Variants in THADA observed in about 807,000 individuals in gnomAD.
The protein encoded by THADA is tRNA (32-2'-O)-methyltransferase regulator THADA.
THADA carries 213 observed loss-of-function variants against 219.8 expected under a neutral mutation model. The observed-to-expected ratio is 0.97, with a 90% CI of 0.87 to 1.09. The LOEUF (loss-of-function observed/expected upper bound fraction) is 1.09, where lower values mean the gene tolerates loss of function less well. THADA is among the 50% of genes least tolerant of loss of function. The pLI, the probability that THADA is intolerant of heterozygous loss-of-function variation, is 0.00. For missense variants in THADA, 2,956 were observed against 2,311.3 expected, an observed-to-expected ratio of 1.28 and a Z score of -5.72; for synonymous variants, 1,018 against 828.9, an observed-to-expected ratio of 1.23 and a Z score of -3.92.
chr2:43,455,856 C>G (rs1009830662), intron 26 of THADA, among the ~76,000 whole-genome samples: 1 of 152,198 alleles, frequency 6.6e-6, no homozygotes, highest in Non-Finnish European at 1.5e-5. Context: ...ACTAAGGAGG[C>G]AGGAAATCCT....
At chr2:43,440,647 C>A (rs1463057681) in intron 26 of THADA, among the ~76,000 whole-genome samples, 2 of 152,130 alleles carry the variant, frequency 1.3e-5, no homozygotes, top group African/African-American at 4.8e-5. Context: ...TTCAGAATCT[C>A]TCATTATACA....
chr2:43,475,030 G>C (rs555873822), intron 26 of THADA, among the ~76,000 whole-genome samples: 14 of 152,302 alleles, frequency 9.2e-5, no homozygotes, highest in African/African-American at 3.4e-4. Flanking sequence ...AAGAGAGATT[G>C]TTCAGGACAA....
intron 36 of THADA, among the ~76,000 whole-genome samples, chr2:43,272,425 C>A (rs1672232347): frequency 6.6e-6 from 1 of 152,074 alleles, no homozygotes; most frequent in African/African-American, 2.4e-5. Context: ...ATGGTGGTGG[C>A]TTGGACTAGC....
intron 35 of THADA, among the ~76,000 whole-genome samples, chr2:43,286,236 G>A (rs1019652178): frequency 2.0e-5 from 3 of 152,180 alleles, no homozygotes; most frequent in Admixed American, 6.5e-5. Context: ...GGGAGTGGTG[G>A]ATGATAAGGC....
At chr2:43,339,541 A>T (rs1291728375) in intron 30 of THADA, among the ~76,000 whole-genome samples, 1 of 152,176 alleles carries the variant, frequency 6.6e-6, no homozygotes, top group Non-Finnish European at 1.5e-5. Flanking sequence ...TGGCCTCCCA[A>T]AGTGCTAGGG....
intron 29 of THADA, among the ~76,000 whole-genome samples, chr2:43,386,271 T>C (rs1001780609): frequency 6.6e-6 from 1 of 152,044 alleles, no homozygotes; most frequent in African/African-American, 2.4e-5. Context: ...AGGCACAAAA[T>C]ATGCATGCTA....
At chr2:43,541,706 C>T (rs1447122930) in intron 20 of THADA, among the ~76,000 whole-genome samples, 1 of 152,072 alleles carries the variant, frequency 6.6e-6, no homozygotes. Flanking sequence ...GACAGGGTTT[C>T]ACCACATCAC....
chr2:43,522,710 C>T (rs1444985528), intron 22 of THADA, among the ~76,000 whole-genome samples: 2 of 152,156 alleles, frequency 1.3e-5, no homozygotes, highest in Admixed American at 6.5e-5. Context: ...TCAACTATTA[C>T]AGTAGGCTTA....
At chr2:43,325,853 T>C (rs920832218) in intron 30 of THADA, among the ~76,000 whole-genome samples, 2 of 152,212 alleles carry the variant, frequency 1.3e-5, no homozygotes, top group Non-Finnish European at 2.9e-5. Context: ...TTAAGTAAAA[T>C]AATTGACTGG....
At chr2:43,244,121 G>A (rs1668890276) in intron 36 of THADA, among the ~76,000 whole-genome samples, 1 of 152,006 alleles carries the variant, frequency 6.6e-6, no homozygotes, top group Non-Finnish European at 1.5e-5. Context: ...AAAACACTGG[G>A]TAAATAAAAT....
At chr2:43,394,409 T>A (rs953349024) in intron 29 of THADA, among the ~76,000 whole-genome samples, 4 of 152,224 alleles carry the variant, frequency 2.6e-5, no homozygotes, top group Non-Finnish European at 5.9e-5. Flanking sequence ...TTCAAAGCAG[T>A]CAAAATGTAT....
intron 22 of THADA, among the ~76,000 whole-genome samples, chr2:43,515,144 T>TATTTTATATATAATATATA (rs1691327554): frequency 1.3e-4 from 1 of 7,692 alleles, no homozygotes. Context: ...TAATATATAA[T>TATTTTATATATAATATATA]ATATTTTATA....
At chr2:43,291,932 A>C in intron 33 of THADA, 164 bp from the exon 34 acceptor site, 1 of 770,470 alleles carries the variant, frequency 1.3e-6, no homozygotes, top group Non-Finnish European at 2.1e-6. Context: ...TTGGTTATTA[A>C]TGCAAATCAC....
At chr2:43,282,500 T>TA (rs1673474270) in intron 35 of THADA, among the ~76,000 whole-genome samples, 1 of 152,212 alleles carries the variant, frequency 6.6e-6, no homozygotes, top group Non-Finnish European at 1.5e-5. Context: ...TCCACAACTA[T>TA]ACTGAAAGCT....
At chr2:43,310,580 T>C (rs1677391821) in intron 31 of THADA, among the ~76,000 whole-genome samples, 1 of 152,176 alleles carries the variant, frequency 6.6e-6, no homozygotes, top group African/African-American at 2.4e-5. Context: ...TCCTATCAGA[T>C]ATAAAAATTA....
chr2:43,527,976 C>T lies in THADA; in HGVS notation c.3277G>A (p.Gly1093Arg). ...AAAAGGTGTTGTTTAAAGTAATCTC[C>T]TATTTCTTTTACCTTTAAAAAAAAA... ...LLTVEQVKEI[G>R]DYFKQHLLQS... The change falls in exon 22 of 38, where the codon GGA (glycine) becomes AGA (arginine). Residue 1093 changes from glycine to arginine, a missense_variant. Gly to Arg is a moderately radical substitution (Grantham distance 125, BLOSUM62 -2). Transcript: ENST00000405975. 4 of 1,611,438 alleles carry T rather than the reference C, an allele frequency of 2.5e-6. No homozygotes were observed. Among genetic ancestry groups the T allele is most frequent in the Non-Finnish European group, 3.4e-6 (4 of 1,178,414 alleles).
At chr2:43,391,908 A>C (rs958144607) in intron 29 of THADA, 1 of 152,228 alleles carries the variant, frequency 6.6e-6, no homozygotes, top group African/African-American at 2.4e-5. Flanking sequence ...GTCTTCAAAA[A>C]GAAAGAATAA....
At chr2:43,319,666 T>G (rs932795874) in intron 31 of THADA, among the ~76,000 whole-genome samples, 7 of 152,208 alleles carry the variant, frequency 4.6e-5, no homozygotes, top group Non-Finnish European at 8.8e-5. Context: ...AGGCCTGGTC[T>G]GCTTGCACTC....
chr2:43,526,835 A>G (rs1227382802), intron 22 of THADA, among the ~76,000 whole-genome samples: 1 of 152,188 alleles, frequency 6.6e-6, no homozygotes, highest in Admixed American at 6.5e-5. Context: ...CATCCAAACC[A>G]AGCACAGTAC....
Sources: gnomAD v4.1 joint callset for allele counts (sites outside exome capture counted in the v4.1 genomes callset) on GRCh38, gnomAD v4.1.1 for gene constraint, MANE v1.5 for transcripts, NCBI Gene and HGNC (gene_info 2026-07-23, HGNC 2026-07-21) for gene names.